The following PLEKHA8 variants were observed in gnomAD, a reference collection of about 807,000 sequenced individuals.
PLEKHA8 encodes the protein pleckstrin homology domain-containing family A member 8.
A neutral mutation model predicts 68.2 loss-of-function variants in PLEKHA8; 36 were observed. The ratio of observed to expected loss-of-function variants is 0.53; its 90% CI spans 0.40 to 0.70. PLEKHA8 has a LOEUF of 0.70. Ranked by LOEUF, PLEKHA8 falls within the 30% of genes least tolerant of loss-of-function variation. The pLI is 0.00. For missense variants in PLEKHA8, 505 were observed against 615.4 expected (o/e 0.82, Z 1.90); for synonymous variants, 211 against 216.1 (o/e 0.98, Z 0.20).
chr7:30,036,752 T>C (rs1341558978), intron 1 of PLEKHA8, among the ~76,000 whole-genome samples: 4 of 152,266 alleles, frequency 2.6e-5, no homozygotes, highest in Admixed American at 2.0e-4. Context: ...TCCAGTAGTC[T>C]GTCACTCCTT....
chr7:30,069,691 A>G (rs866304358), intron 12 of PLEKHA8: 64 of 152,236 alleles, frequency 4.2e-4, no homozygotes, highest in African/African-American at 1.5e-3. Context: ...CAGAGTAAAC[A>G]CCAGTTTTTT....
At chr7:30,056,348 A>T (rs1792914949) in intron 9 of PLEKHA8, among the ~76,000 whole-genome samples, 1 of 127,764 alleles carries the variant, frequency 7.8e-6, no homozygotes, top group African/African-American at 3.0e-5. Flanking sequence ...CATATATATA[A>T]TATATATAAC....
At chr7:30,111,456 A>C (rs1438610074) in intron 13 of PLEKHA8, among the ~76,000 whole-genome samples, 2 of 150,924 alleles carry the variant, frequency 1.3e-5, no homozygotes, top group East Asian at 3.9e-4. Flanking sequence ...TCTTATTTTA[A>C]ATTTTTTTCA....
rs1193579033 is a variant in PLEKHA8 at position 30,069,389 on chromosome 7, C to A, written c.1301-4682C>A. ...TCTCTTAAGACTTAGATTGACATTT[C>A]TCTCGTCTTCTCTATAAGCCAAAAT... is the stretch of plus-strand genomic sequence containing the variant. On this transcript the variant is annotated intron_variant, in intron 12 of 13. Coordinates refer to ENST00000449726, the MANE Select transcript of PLEKHA8 (RefSeq NM_001197026.2). Among the ~76,000 whole-genome samples the A allele has an allele frequency of 1.3e-5, 2 of 152,354 alleles. 1 individual carries two copies. The highest frequency in any genetic ancestry group is 3.9e-4 in the East Asian group (2 of 5,184).
chr7:30,095,950 A>G (rs978695486), intron 13 of PLEKHA8, among the ~76,000 whole-genome samples: 5 of 152,192 alleles, frequency 3.3e-5, no homozygotes, highest in African/African-American at 1.2e-4. Context: ...GTTTGAAGTC[A>G]GGTAGCGTGA....
chr7:30,103,425 T>A (rs1795935181), intron 13 of PLEKHA8, among the ~76,000 whole-genome samples: 1 of 152,240 alleles, frequency 6.6e-6, no homozygotes, highest in Non-Finnish European at 1.5e-5. Flanking sequence ...TTGTAGAAAT[T>A]GGTGTGCTAA....
In PLEKHA8 at chr7:30,080,685, T is replaced by C. The variant is rs77967420; in HGVS notation, c.*1898T>C. On this transcript the variant is annotated 3_prime_UTR_variant, in exon 14 of 14. Transcript: ENST00000449726. ...GGGAGAAAGAAGGGGGGTATTAAAA[T>C]GATGTTGATTATTTTGTATTTTGCC... The C allele has an allele frequency of 0.017, 16,776 of 985,236 alleles. 171 individuals carry two copies. Among genetic ancestry groups the C allele is most frequent in the East Asian group, 0.04 (350 of 8,800 alleles). 61.0% of individuals were successfully genotyped at this position (985,236 alleles called of 1,614,324 possible). A position where few individuals can be genotyped will look rare whatever the true frequency, so the allele number is the denominator to read the frequency against.
downstream of PLEKHA8, chr7:30,129,537 A>G (rs887361423): frequency 3.5e-6 from 2 of 566,232 alleles, no homozygotes; most frequent in African/African-American, 3.7e-5. Flanking sequence ...AAAATTTTCA[A>G]CATGTACACC....
intron 13 of PLEKHA8, among the ~76,000 whole-genome samples, chr7:30,113,901 C>CTTT (rs748202008): frequency 2.9e-5 from 4 of 139,790 alleles, no homozygotes; most frequent in African/African-American, 2.7e-5. Context: ...CAAAATATTA[C>CTTT]TTTTTTTTTT....
intron 13 of PLEKHA8, among the ~76,000 whole-genome samples, chr7:30,074,598 A>G (rs1230838353): frequency 6.6e-6 from 1 of 152,172 alleles, no homozygotes; most frequent in Non-Finnish European, 1.5e-5. Flanking sequence ...GAAATGATGC[A>G]TTCAGGTGAT....
chr7:30,050,619 C>G (rs565317405), intron 6 of PLEKHA8, 145 bp downstream of exon 6: 22 of 1,133,378 alleles, frequency 1.9e-5, no homozygotes, highest in Non-Finnish European at 2.6e-5. Context: ...TGACTTTCCT[C>G]TTTTGAGTGA....
At chr7:30,054,153 C>A (rs1792636810) in intron 7 of PLEKHA8, among the ~76,000 whole-genome samples, 1 of 152,100 alleles carries the variant, frequency 6.6e-6, no homozygotes, top group Non-Finnish European at 1.5e-5. Context: ...TAAGTAAGGA[C>A]ATTTGTCTAT....
intron 9 of PLEKHA8, among the ~76,000 whole-genome samples, chr7:30,059,450 A>G (rs1351438772): frequency 2.6e-5 from 4 of 152,098 alleles, no homozygotes; most frequent in Admixed American, 6.5e-5. Flanking sequence ...AATGAATTAC[A>G]TTGTTTGGAT....
chr7:30,108,083 A>AAAAC (rs1554281880), intron 13 of PLEKHA8, among the ~76,000 whole-genome samples: 1 of 144,460 alleles, frequency 6.9e-6, no homozygotes, highest in Non-Finnish European at 1.5e-5. Flanking sequence ...AAAAAAAAAA[A>AAAAC]AAAAAAAAAC....
At chr7:30,041,729 T>C (rs940045692) in intron 1 of PLEKHA8, among the ~76,000 whole-genome samples, 3 of 152,152 alleles carry the variant, frequency 2.0e-5, no homozygotes, top group African/African-American at 7.2e-5. Flanking sequence ...GCAGCTGTGC[T>C]TTGGGTGGGG....
At chr7:30,055,417 T>G in intron 9 of PLEKHA8, 75 bp downstream of exon 9, 1 of 1,270,226 alleles carries the variant, frequency 7.9e-7, no homozygotes. Flanking sequence ...GCAGGAGAAA[T>G]ACCCCAAACT....
chr7:30,117,586 C>G (rs571473070), intron 13 of PLEKHA8, among the ~76,000 whole-genome samples: 2 of 151,934 alleles, frequency 1.3e-5, no homozygotes, highest in African/African-American at 4.8e-5. Context: ...CACCTGTAGT[C>G]CCAGATACTC....
At chr7:30,103,848 G>A (rs1301520509) in intron 13 of PLEKHA8, among the ~76,000 whole-genome samples, 3 of 151,936 alleles carry the variant, frequency 2.0e-5, no homozygotes, top group Admixed American at 6.6e-5. Flanking sequence ...TATTTTTTAG[G>A]ATACAAAAAG....
intron 13 of PLEKHA8, among the ~76,000 whole-genome samples, chr7:30,103,959 A>G (rs1418059623): frequency 1.3e-5 from 2 of 152,102 alleles, no homozygotes; most frequent in Admixed American, 1.3e-4. Flanking sequence ...ATACCTGCAC[A>G]TATGGCTGAG....
Sources: allele counts gnomAD v4.1 joint callset (sites outside exome capture counted in the v4.1 genomes callset), GRCh38; gene constraint gnomAD v4.1.1; transcripts MANE v1.5; gene names NCBI Gene and HGNC (gene_info 2026-07-23, HGNC 2026-07-21).